TRDN: variants seen among roughly 807,000 people sequenced by gnomAD.
TRDN encodes triadin.
TRDN carries 161 observed loss-of-function variants against 149.7 expected under a neutral mutation model. The ratio of observed to expected loss-of-function variants is 1.08; its 90% confidence interval spans 0.95 to 1.23. The LOEUF (loss-of-function observed/expected upper bound fraction) is 1.23. Ranked by LOEUF, TRDN falls within the 50% of genes most tolerant of loss-of-function variation. The pLI, the probability that TRDN is intolerant of heterozygous loss-of-function variation, is 0.00. For synonymous variants in TRDN, 294 were observed against 250.5 expected (o/e 1.17, Z -1.64); for missense variants, 896 against 823.5 (o/e 1.09, Z -1.08).
At chr6:123,610,855 GTCTAAATACA>G (rs1420579345) in intron 1 of TRDN, among the ~76,000 whole-genome samples, 1 of 152,138 alleles carries the variant, frequency 6.6e-6, no homozygotes, top group Non-Finnish European at 1.5e-5. Flanking sequence ...GACTCCTAGA[GTCTAAATACA>G]TCTAGGAGAG....
chr6:123,440,742 C>T (rs1017690313), intron 10 of TRDN, among the ~76,000 whole-genome samples: 20 of 152,178 alleles, frequency 1.3e-4, no homozygotes, highest in Non-Finnish European at 2.8e-4. Flanking sequence ...GTCAATCTTA[C>T]ACCGAACTTC....
chr6:123,446,076 G>T (rs1322926095), intron 10 of TRDN, among the ~76,000 whole-genome samples: 2 of 151,738 alleles, frequency 1.3e-5, no homozygotes, highest in Non-Finnish European at 2.9e-5. Context: ...ATGAGTTCAT[G>T]TTCTTTGTAG....
At chr6:123,335,469 T>A (rs1489593421) in intron 22 of TRDN, among the ~76,000 whole-genome samples, 1 of 151,838 alleles carries the variant, frequency 6.6e-6, no homozygotes, top group African/African-American at 2.4e-5. Context: ...CAGCATGTGA[T>A]TATTGATTTA....
intron 7 of TRDN, among the ~76,000 whole-genome samples, chr6:123,511,013 G>C (rs530480302): frequency 6.6e-6 from 1 of 152,096 alleles, no homozygotes; most frequent in South Asian, 2.1e-4. Context: ...TTTTTGCTTT[G>C]GTTACCTATG....
intron 7 of TRDN, among the ~76,000 whole-genome samples, chr6:123,509,159 T>C (rs1779056947): frequency 6.6e-6 from 1 of 151,892 alleles, no homozygotes; most frequent in Admixed American, 6.6e-5. Flanking sequence ...TACACACATA[T>C]ATATGTATGT....
At chr6:123,542,886 G>A (rs1185330625) in intron 4 of TRDN, among the ~76,000 whole-genome samples, 2 of 143,946 alleles carry the variant, frequency 1.4e-5, no homozygotes, top group Non-Finnish European at 3.1e-5. Context: ...GTGTGTGTGT[G>A]TCTGTCTGTC....
intron 1 of TRDN, among the ~76,000 whole-genome samples, chr6:123,621,577 G>A (rs1785385282): frequency 6.6e-6 from 1 of 152,116 alleles, no homozygotes; most frequent in East Asian, 1.9e-4. Flanking sequence ...ATGAAACACT[G>A]TACAGAAAGA....
Position 123,555,708 on chromosome 6 carries a change from A to G in TRDN, c.233-7096T>C, listed in dbSNP as rs565335975. Among the ~76,000 whole-genome samples, 4 of 152,236 alleles carry G rather than the reference A, an allele frequency of 2.6e-5. No homozygotes were observed. In the South Asian group the frequency reaches 6.2e-4, roughly 24 times the overall value. Reference sequence around the variant, plus strand: ...CACAGAAGCATTTTAAGAGAGGCTCATTTTTTGAGATCCTCTTTTTATATT... The same window carrying G: ...CACAGAAGCATTTTAAGAGAGGCTCGTTTTTTGAGATCCTCTTTTTATATT... On this transcript the variant is annotated intron_variant, in intron 2 of 40. Coordinates refer to ENST00000334268, the MANE Select transcript of TRDN (RefSeq NM_006073.4).
At chr6:123,524,912 T>C (rs1779872238) in intron 5 of TRDN, among the ~76,000 whole-genome samples, 1 of 152,156 alleles carries the variant, frequency 6.6e-6, no homozygotes, top group Non-Finnish European at 1.5e-5. Flanking sequence ...TTGTGGTTTC[T>C]ATCTTTAAAT....
chr6:123,234,677 T>C (rs986324643), intron 38 of TRDN, among the ~76,000 whole-genome samples: 1 of 152,154 alleles, frequency 6.6e-6, no homozygotes, highest in East Asian at 1.9e-4. Flanking sequence ...GAAAATATGA[T>C]AGACTGAATA....
At chr6:123,591,194 A>C (rs1783762745) in intron 1 of TRDN, among the ~76,000 whole-genome samples, 1 of 152,194 alleles carries the variant, frequency 6.6e-6, no homozygotes, top group South Asian at 2.1e-4. Flanking sequence ...ATATATTTAA[A>C]TATGGACACC....
At chr6:123,394,734 TTTG>T (rs1772650103) in intron 12 of TRDN, among the ~76,000 whole-genome samples, 1 of 152,172 alleles carries the variant, frequency 6.6e-6, no homozygotes, top group African/African-American at 2.4e-5. Flanking sequence ...GCTAATTTTA[TTTG>T]TTGTTACATA....
chr6:123,623,542 A>G (rs1785503539), intron 1 of TRDN, among the ~76,000 whole-genome samples: 2 of 152,028 alleles, frequency 1.3e-5, no homozygotes, highest in Non-Finnish European at 2.9e-5. Context: ...AAATTTTTCC[A>G]CCCTGAATGC....
chr6:123,325,919 A>G (rs570085547), intron 23 of TRDN, among the ~76,000 whole-genome samples: 1 of 152,284 alleles, frequency 6.6e-6, no homozygotes, highest in African/African-American at 2.4e-5. Context: ...ATCTGAATTA[A>G]TCAATATTAA....
At chr6:123,318,119 C>T (rs572338756) in intron 23 of TRDN, among the ~76,000 whole-genome samples, 2 of 152,056 alleles carry the variant, frequency 1.3e-5, no homozygotes, top group East Asian at 3.9e-4. Context: ...ACTTAGTCTA[C>T]AATACACAAT....
chr6:123,353,453 A>G (rs1780542730), intron 20 of TRDN, among the ~76,000 whole-genome samples: 1 of 151,928 alleles, frequency 6.6e-6, no homozygotes, highest in African/African-American at 2.4e-5. Flanking sequence ...TAGCATATAC[A>G]GTATCATCTC....
chr6:123,579,615 G>C (rs374029144), intron 1 of TRDN, among the ~76,000 whole-genome samples: 3 of 152,076 alleles, frequency 2.0e-5, no homozygotes, highest in East Asian at 3.9e-4. Flanking sequence ...TTTTGTTGTT[G>C]TGCCTCTGCC....
chr6:123,456,746 AG>A (rs1411395552), intron 10 of TRDN: 5 of 454,156 alleles, frequency 1.1e-5, no homozygotes, highest in Non-Finnish European at 2.2e-5. Context: ...TGGGGATTAC[AG>A]CATTCCTTAT....
chr6:123,281,689 A>C (rs1419335797), intron 24 of TRDN, among the ~76,000 whole-genome samples: 1 of 152,054 alleles, frequency 6.6e-6, no homozygotes, highest in African/African-American at 2.4e-5. Context: ...GATTAAGAAA[A>C]TGTTGACTTA....
Sources: allele counts gnomAD v4.1 joint callset (sites outside exome capture counted in the v4.1 genomes callset), GRCh38; gene constraint gnomAD v4.1.1; transcripts MANE v1.5; gene names NCBI Gene and HGNC (gene_info 2026-07-23, HGNC 2026-07-21).